Variants in GLDC observed in about 807,000 individuals in gnomAD.
GLDC encodes the protein glycine dehydrogenase (decarboxylating), mitochondrial.
A neutral mutation model predicts 121.3 loss-of-function variants in GLDC; 104 were observed. That is an observed-to-expected ratio of 0.86 (90% CI 0.73 to 1.01). The LOEUF (loss-of-function observed/expected upper bound fraction) is 1.01. GLDC is among the 50% of genes least tolerant of loss of function. GLDC has a pLI of 0.00. For synonymous variants in GLDC, 546 were observed against 480.6 expected (o/e 1.14, Z -1.78); for missense variants, 1,429 against 1,306.6 (o/e 1.09, Z -1.44).
At chr9:6,548,380 G>A (rs775270900) in intron 21 of GLDC, among the ~76,000 whole-genome samples, 6 of 152,108 alleles carry the variant, frequency 3.9e-5, no homozygotes, top group Non-Finnish European at 8.8e-5. Context: ...AGCTAAGCTA[G>A]ATTTGAATTA....
rs566129555 is a variant in GLDC at position 6,644,400 on chromosome 9, A to G, written c.334+214T>C. 97 of 611,224 alleles carry G rather than the reference A, an allele frequency of 1.6e-4. 1 individual carries two copies. In the South Asian group the frequency reaches 1.8e-3, roughly 12 times the overall value. 37.9% of individuals were successfully genotyped at this position (611,224 alleles called of 1,614,324 possible). ...CCCTAGGATAAAGACCAAGAACCGC[A>G]CAACACCGACTCTCTCCTAACACAA... is the stretch of plus-strand genomic sequence containing the variant. On this transcript the variant is annotated intron_variant, in intron 2 of 24. Coordinates refer to ENST00000321612, the MANE Select transcript of GLDC (RefSeq NM_000170.3).
chr9:6,539,942 C>T (rs1203947526), intron 22 of GLDC, 109 bp downstream of exon 22: 3 of 808,494 alleles, frequency 3.7e-6, no homozygotes, highest in African/African-American at 3.4e-5. Flanking sequence ...CTGAGCTCCC[C>T]ATTTATCCCC....
At position 6,583,719 on chromosome 9, in the gene GLDC, T is replaced by C. The variant is rs146715451; in HGVS notation, c.1850+3422A>G. Among the ~76,000 whole-genome samples the C allele has an allele frequency of 5.4e-3, 821 of 152,192 alleles. 20 individuals carry two copies. The highest frequency in any genetic ancestry group is 0.04 in the East Asian group (209 of 5,182). Reference sequence around the variant, plus strand: ...GTAAATTCTGACACATGCCACAACATTGATGAACCTTGAAGACATTATGCT... The same window carrying C: ...GTAAATTCTGACACATGCCACAACACTGATGAACCTTGAAGACATTATGCT... On this transcript the variant is annotated intron_variant, in intron 15 of 24. Transcript: ENST00000321612.
At position 6,581,300 on chromosome 9, in the gene GLDC, G is replaced by A. The variant is rs140999663; in HGVS notation, c.1850+5841C>T. Among the ~76,000 whole-genome samples, 605 of 152,236 alleles carry A rather than the reference G, an allele frequency of 4.0e-3. 8 individuals are homozygous for A. The highest frequency in any genetic ancestry group is 0.014 in the African/African-American group (581 of 41,530). On this transcript the variant is annotated intron_variant, in intron 15 of 24. Transcript: ENST00000321612. ...TGCCCCCAATGGGACTGATCTCTAG[G>A]ATCCCATACAGTGATGGTGATAACC...
rs544521880 is a variant in GLDC at position 6,588,595 on chromosome 9, GA to G, written c.1665+22del. On this transcript the variant is annotated intron_variant, in intron 13 of 24. Transcript: ENST00000321612. ...TGGGATTGGGGTAGCTTGGAAATGA[GA>G]AAAAAGGCCACAAATAACTACCAGT... 108 of 1,583,026 alleles carry G rather than the reference GA, an allele frequency of 6.8e-5. 3 individuals carry two copies. In the South Asian group the frequency reaches 1.1e-3, roughly 17 times the overall value.
intron 15 of GLDC, among the ~76,000 whole-genome samples, chr9:6,566,880 CA>C (rs1246080846): frequency 6.6e-6 from 1 of 152,078 alleles, no homozygotes; most frequent in Non-Finnish European, 1.5e-5. Flanking sequence ...TTCTCCATGC[CA>C]TCACCCCCAT....
intron 2 of GLDC, 123 bp from the exon 3 acceptor site, chr9:6,620,442 G>C (rs1402131639): frequency 6.0e-6 from 5 of 838,766 alleles, no homozygotes; most frequent in Admixed American, 5.8e-5. Flanking sequence ...AAATGTAAGA[G>C]TCATCCATCC....
intron 17 of GLDC, chr9:6,558,311 G>T: frequency 3.3e-6 from 2 of 612,446 alleles, no homozygotes; most frequent in Non-Finnish European, 5.8e-6. Flanking sequence ...AGGCAGGCAG[G>T]TTCTGCAAGG....
At chr9:6,629,953 A>ATTT (rs1208714084) in intron 2 of GLDC, among the ~76,000 whole-genome samples, 4,222 of 71,582 alleles carry the variant, frequency 0.059, 312 homozygotes, top group East Asian at 0.17. Flanking sequence ...ATGTATATAT[A>ATTT]TATATTTTTT....
chr9:6,605,534 C>G (rs1347490017), intron 5 of GLDC, among the ~76,000 whole-genome samples: 2 of 152,138 alleles, frequency 1.3e-5, no homozygotes, highest in Non-Finnish European at 2.9e-5. Flanking sequence ...CAATCTACTC[C>G]TCAGAGAGGC....
At chr9:6,643,147 C>T (rs1174387871) in intron 2 of GLDC, among the ~76,000 whole-genome samples, 2 of 152,084 alleles carry the variant, frequency 1.3e-5, no homozygotes, top group East Asian at 3.9e-4. Context: ...ATCCACCTGC[C>T]TAGACCTCCC....
chr9:6,633,736 C>CA (rs1247059547), intron 2 of GLDC, among the ~76,000 whole-genome samples: 3 of 151,122 alleles, frequency 2.0e-5, no homozygotes, highest in Non-Finnish European at 4.4e-5. Flanking sequence ...GCCTGGCCAA[C>CA]ACAGCAAAAC....
intron 7 of GLDC, 93 bp from the exon 8 acceptor site, chr9:6,602,298 G>A: frequency 3.6e-6 from 3 of 827,358 alleles, no homozygotes; most frequent in Non-Finnish European, 2.1e-6. Context: ...CCAGCTTGAA[G>A]TGAATTCAGC....
At chr9:6,607,264 T>G (rs1355425157) in intron 4 of GLDC, among the ~76,000 whole-genome samples, 1 of 151,540 alleles carries the variant, frequency 6.6e-6, no homozygotes, top group Non-Finnish European at 1.5e-5. Context: ...AAAAAGAAAA[T>G]AAAGCAAAGG....
chr9:6,637,989 C>T (rs549266352), intron 2 of GLDC, among the ~76,000 whole-genome samples: 4 of 151,418 alleles, frequency 2.6e-5, no homozygotes, highest in African/African-American at 9.7e-5. Context: ...AATCTCATCA[C>T]TTTTAAAACA....
intron 2 of GLDC, among the ~76,000 whole-genome samples, chr9:6,634,135 G>T (rs1018816426): frequency 6.6e-6 from 1 of 151,948 alleles, no homozygotes. Flanking sequence ...CGGCAGAGGC[G>T]GGAGAATCTT....
At chr9:6,607,233 T>C (rs751676941) in intron 4 of GLDC, among the ~76,000 whole-genome samples, 14 of 152,106 alleles carry the variant, frequency 9.2e-5, no homozygotes, top group Non-Finnish European at 1.9e-4. Flanking sequence ...TGGTTCAAAA[T>C]GTTTCAAATA....
At chr9:6,567,911 A>T (rs1468128872) in intron 15 of GLDC, among the ~76,000 whole-genome samples, 1 of 152,252 alleles carries the variant, frequency 6.6e-6, no homozygotes, top group Non-Finnish European at 1.5e-5. Flanking sequence ...CTCTGCATGT[A>T]GTAGTTCTGC....
chr9:6,645,004 G>T (rs1292702693), intron 1 of GLDC, among the ~76,000 whole-genome samples: 1 of 148,346 alleles, frequency 6.7e-6, no homozygotes, highest in East Asian at 1.9e-4. Flanking sequence ...TGGGCTGGGG[G>T]TGGTTTAAAA....
Sources: gnomAD v4.1 joint callset for allele counts (sites outside exome capture counted in the v4.1 genomes callset) on GRCh38, gnomAD v4.1.1 for gene constraint, MANE v1.5 for transcripts, NCBI Gene and HGNC (gene_info 2026-07-23, HGNC 2026-07-21) for gene names.